COLGALT2: variants seen among roughly 807,000 people sequenced by gnomAD.
The protein encoded by COLGALT2 is collagen beta(1-O)galactosyltransferase 2.
A neutral mutation model predicts 73.4 loss-of-function variants in COLGALT2; 49 were observed. That is an observed-to-expected ratio of 0.67 (90% CI 0.53 to 0.85). COLGALT2 has a LOEUF of 0.85. Among genes scored for constraint, COLGALT2 ranks in the 40% least tolerant of loss-of-function variants. COLGALT2 has a pLI of 0.00. For missense variants in COLGALT2, 722 were observed against 790.2 expected (o/e 0.91, Z 1.03); for synonymous variants, 295 against 307.6 (o/e 0.96, Z 0.43).
chr1:183,940,441 G>T (rs1443404369), intron 11 of COLGALT2, 140 bp downstream of exon 11: 1 of 786,960 alleles, frequency 1.3e-6, no homozygotes, highest in Non-Finnish European at 2.1e-6. Flanking sequence ...CCTGAGTTAG[G>T]CTCTCTTAAT....
At chr1:183,994,026 CTTTTTTTTTTTTTTTT>C (rs869129633) in intron 1 of COLGALT2, among the ~76,000 whole-genome samples, 34 of 70,032 alleles carry the variant, frequency 4.9e-4, no homozygotes, top group African/African-American at 1.7e-3. Context: ...TCTTGTAATT[CTTTTTTTTTTTTTTTT>C]TTTTTTTTTT....
downstream of COLGALT2, among the ~76,000 whole-genome samples, chr1:183,932,214 T>C (rs1186242249): frequency 6.6e-6 from 1 of 152,182 alleles, no homozygotes; most frequent in Non-Finnish European, 1.5e-5. Flanking sequence ...GGATGCAGTT[T>C]GGTGAGATCT....
chr1:183,951,346 T>C (rs764083355), intron 7 of COLGALT2, among the ~76,000 whole-genome samples: 30 of 152,224 alleles, frequency 2.0e-4, no homozygotes, highest in Non-Finnish European at 4.3e-4. Flanking sequence ...TTTGTTTTTC[T>C]GATGTTCATT....
At chr1:184,036,377 G>A (rs550778613) in intron 1 of COLGALT2, among the ~76,000 whole-genome samples, 137 of 152,346 alleles carry the variant, frequency 9.0e-4, no homozygotes, top group African/African-American at 3.2e-3. Flanking sequence ...AAACTTGGCT[G>A]TTTATCTTTC....
At position 184,037,293 on chromosome 1, in the gene COLGALT2, C is replaced by A. The variant is rs114087663; in HGVS notation, c.65G>T (p.Arg22Leu). 1.9e-3 allele frequency: 2,993 copies of A among 1,543,620 alleles called. 43 individuals carry two copies. The African/African-American group carries it at 0.037, about 19-fold the overall frequency. ...GACGAAGCGCGCTCGGCAGCCTTCG[C>A]GGAGCAGGGCTGAGGAGAGGAGCAG... ...SLLLLSSALL[R>L]EGCRARFVAE... Residue 22 changes from arginine (R) to leucine (L), a missense_variant, in exon 1 of 12, where the codon CGC (arginine) becomes CTC (leucine). Arg to Leu is a moderately radical substitution (Grantham distance 102). Transcript: ENST00000361927.
intron 1 of COLGALT2, among the ~76,000 whole-genome samples, chr1:184,032,354 TTAG>T (rs2102863346): frequency 6.6e-6 from 1 of 152,346 alleles, no homozygotes; most frequent in East Asian, 1.9e-4. Flanking sequence ...ACTATCATTG[TTAG>T]TAGCATTTAT....
intron 1 of COLGALT2, among the ~76,000 whole-genome samples, chr1:184,010,000 G>A (rs989832419): frequency 4.7e-4 from 71 of 152,264 alleles, no homozygotes; most frequent in African/African-American, 1.7e-3. Flanking sequence ...GTAGATTCCT[G>A]GAGGTACCAA....
intron 1 of COLGALT2, among the ~76,000 whole-genome samples, chr1:184,017,081 T>G (rs1649024201): frequency 6.6e-6 from 1 of 152,230 alleles, no homozygotes; most frequent in African/African-American, 2.4e-5. Flanking sequence ...ATTTGATCTG[T>G]TAGAACACAG....
chr1:184,024,753 G>C (rs1217853979), intron 1 of COLGALT2, among the ~76,000 whole-genome samples: 8 of 151,168 alleles, frequency 5.3e-5, no homozygotes, highest in Admixed American at 1.3e-4. Flanking sequence ...ACAGCTCAAG[G>C]GTTTGTTGGA....
chr1:184,007,944 C>T lies in COLGALT2; in HGVS notation c.263+29151G>A, dbSNP rs147914054. On this transcript the variant is annotated intron_variant, in intron 1 of 11. Transcript: ENST00000361927. ...CATCACCCCCCATTACCAGGGCCCA[C>T]GCTTGGCACTGGACATGAACTAGGA... 9.5e-4 allele frequency among the ~76,000 whole-genome samples: 145 copies of T among 152,290 alleles called. 2 individuals are homozygous for T. Among genetic ancestry groups the T allele is most frequent in the East Asian group, 4.0e-3 (21 of 5,196 alleles).
intron 1 of COLGALT2, among the ~76,000 whole-genome samples, chr1:184,032,349 CA>C (rs1557868754): frequency 6.6e-6 from 1 of 152,156 alleles, no homozygotes; most frequent in Non-Finnish European, 1.5e-5. Context: ...TAGCAACTAT[CA>C]TTGTTAGTAG....
intron 1 of COLGALT2, among the ~76,000 whole-genome samples, chr1:184,019,982 A>C (rs961384938): frequency 6.6e-6 from 1 of 152,246 alleles, no homozygotes; most frequent in Non-Finnish European, 1.5e-5. Flanking sequence ...GCTGTAAGTA[A>C]GAAAAGAGAT....
intron 4 of COLGALT2, among the ~76,000 whole-genome samples, chr1:183,972,554 T>A (rs961052636): frequency 6.6e-6 from 1 of 151,818 alleles, no homozygotes; most frequent in Admixed American, 6.6e-5. Context: ...AAGATTTTAC[T>A]ATGAAAAAAA....
At chr1:183,933,032 G>A (rs1012676236), downstream of COLGALT2, among the ~76,000 whole-genome samples, 3 of 152,114 alleles carry the variant, frequency 2.0e-5, no homozygotes, top group African/African-American at 7.2e-5. Flanking sequence ...CAAGCATTGG[G>A]GGCACTGGAC....
At chr1:184,019,608 A>G (rs987255394) in intron 1 of COLGALT2, among the ~76,000 whole-genome samples, 3 of 152,224 alleles carry the variant, frequency 2.0e-5, no homozygotes, top group African/African-American at 7.2e-5. Flanking sequence ...AAATGATAGA[A>G]GAGCTTTTCA....
chr1:183,973,946 T>G (rs1351173251), intron 3 of COLGALT2, among the ~76,000 whole-genome samples, 196 bp from the exon 4 acceptor site: 1 of 152,190 alleles, frequency 6.6e-6, no homozygotes, highest in East Asian at 1.9e-4. Context: ...AACTTTCGTA[T>G]GTTGGGCTCT....
chr1:183,984,232 C>T (rs1166194165), intron 1 of COLGALT2, among the ~76,000 whole-genome samples: 2 of 152,188 alleles, frequency 1.3e-5, no homozygotes, highest in Non-Finnish European at 2.9e-5. Context: ...TGGTGAAACC[C>T]CGTCTCTACT....
chr1:183,987,408 G>T (rs1418412790), intron 1 of COLGALT2, among the ~76,000 whole-genome samples: 2 of 152,204 alleles, frequency 1.3e-5, no homozygotes, highest in Non-Finnish European at 2.9e-5. Context: ...GACACAGCAG[G>T]ATCCAAAAAC....
chr1:183,985,527 C>T (rs1190422266), intron 1 of COLGALT2, among the ~76,000 whole-genome samples: 1 of 152,238 alleles, frequency 6.6e-6, no homozygotes, highest in Non-Finnish European at 1.5e-5. Context: ...CCCGCCTCAA[C>T]CTCCCAAAGT....
Sources: allele counts gnomAD v4.1 joint callset (sites outside exome capture counted in the v4.1 genomes callset), GRCh38; gene constraint gnomAD v4.1.1; transcripts MANE v1.5; gene names NCBI Gene and HGNC (gene_info 2026-07-23, HGNC 2026-07-21).